Variants in EP400 observed in about 807,000 individuals in gnomAD.
EP400 encodes the protein E1A-binding protein p400.
A neutral mutation model predicts 354.1 loss-of-function variants in EP400; 105 were observed. The observed-to-expected ratio is 0.30, with a 90% CI of 0.25 to 0.35. The LOEUF is 0.35. Ranked by LOEUF, EP400 falls within the 10% of genes least tolerant of loss-of-function variation. EP400 has a pLI of 1.00. For synonymous variants in EP400, 1,646 were observed against 1,716.9 expected (o/e 0.96, Z 1.02); for missense variants, 3,280 against 4,121.0 (o/e 0.80, Z 5.59).
intron 22 of EP400, among the ~76,000 whole-genome samples, 173 bp from the exon 23 acceptor site, chr12:132,020,906 T>C (rs901400807): frequency 6.6e-6 from 1 of 152,270 alleles, no homozygotes; most frequent in Non-Finnish European, 1.5e-5. Context: ...AGTAAAATTA[T>C]ATTTCTCTCA....
intron 45 of EP400, among the ~76,000 whole-genome samples, chr12:132,059,242 A>G (rs991643123): frequency 2.0e-5 from 3 of 152,146 alleles, no homozygotes; most frequent in African/African-American, 4.8e-5. Context: ...CTATTGATAC[A>G]CCGAGGTAGG....
intron 12 of EP400, among the ~76,000 whole-genome samples, chr12:132,002,968 A>G (rs1299563934): frequency 6.6e-6 from 1 of 152,226 alleles, no homozygotes; most frequent in Admixed American, 6.5e-5. Flanking sequence ...TTAGCTCTTC[A>G]TGTCCATGGG....
intron 12 of EP400, 79 bp downstream of exon 12, chr12:131,995,035 A>G: frequency 7.4e-7 from 1 of 1,355,818 alleles, no homozygotes; most frequent in Non-Finnish European, 1.0e-6. Flanking sequence ...ATAATAATAT[A>G]TTGAGTAACA....
chr12:131,994,984 T>G lies in EP400; in HGVS notation c.2827+28T>G. The stretch of plus-strand genomic sequence containing the variant: ...AGGCTGTTGCTACCTTATTAAACAT[T>G]CAGTAAGTAAAAAGAAACATTTAAA... On this transcript the variant is annotated intron_variant, in intron 12 of 52. Transcript: ENST00000389561. The surrounding 1 kb of genome is among the most constrained non-coding windows in gnomAD (Gnocchi z 4.6). 6.3e-7 allele frequency: 1 copy of G among 1,592,004 alleles called. No individual in the cohort carries two copies. The highest frequency in any genetic ancestry group is 2.2e-5 in the East Asian group (1 of 44,706).
intron 12 of EP400, among the ~76,000 whole-genome samples, chr12:131,995,495 C>T (rs1893177695): frequency 6.7e-6 from 1 of 149,294 alleles, no homozygotes; most frequent in Admixed American, 6.6e-5. Flanking sequence ...TGAATGAATC[C>T]CACCACAGCT....
Position 132,020,030 on chromosome 12 carries a change from TG to T in EP400, c.4278-17del. 1 of 1,511,982 alleles carries T rather than the reference TG, an allele frequency of 6.6e-7. No individual in the cohort carries two copies. Among genetic ancestry groups the T allele is most frequent in the Non-Finnish European group, 8.9e-7 (1 of 1,127,524 alleles). The allele number at this position is 1,511,982 out of a possible 1,614,324, so 93.7% of individuals were successfully genotyped here. ...GTCTGATGCTCTGTATCTTCTTGCC[TG>T]GACCAATGGGCATCTAGGTTGTTTC... On this transcript the variant is annotated intron_variant, in intron 21 of 52. Coordinates refer to ENST00000389561, the MANE Select transcript of EP400 (RefSeq NM_015409.5).
intron 22 of EP400, 55 bp downstream of exon 22, chr12:132,020,273 G>T: frequency 6.6e-7 from 1 of 1,508,898 alleles, no homozygotes; most frequent in South Asian, 1.3e-5. Flanking sequence ...TGTGGGACAA[G>T]TTCATGGCAC....
chr12:132,031,189 T>A (rs763567277), intron 29 of EP400: 13 of 515,468 alleles, frequency 2.5e-5, no homozygotes, highest in South Asian at 1.8e-4. Context: ...AACAGTGAGG[T>A]TAGAGGACTA....
chr12:131,977,328 G>C (rs931640327), intron 2 of EP400, among the ~76,000 whole-genome samples: 3 of 148,148 alleles, frequency 2.0e-5, no homozygotes, highest in African/African-American at 7.5e-5. Context: ...TGTATTTTTA[G>C]TAGAGACGGA....
At chr12:132,058,307 T>C (rs907308501) in intron 45 of EP400, among the ~76,000 whole-genome samples, 23 of 152,172 alleles carry the variant, frequency 1.5e-4, no homozygotes, top group African/African-American at 5.3e-4. Flanking sequence ...CTTTGTAATA[T>C]TGAGGCTAGA....
At chr12:131,997,704 C>T (rs1437515263) in intron 12 of EP400, among the ~76,000 whole-genome samples, 2 of 151,988 alleles carry the variant, frequency 1.3e-5, no homozygotes, top group African/African-American at 2.4e-5. Context: ...AGGTCTTCAT[C>T]CTCGTCATCT....
In EP400 at chr12:132,029,787, G is replaced by C; in HGVS notation, c.5468G>C (p.Arg1823Thr). 2 of 1,613,726 alleles carry C rather than the reference G, an allele frequency of 1.2e-6. No individual in the cohort carries two copies. Among genetic ancestry groups the C allele is most frequent in the Non-Finnish European group, 1.7e-6 (2 of 1,180,042 alleles). The change falls in exon 28 of 53, where the codon AGG (arginine) becomes ACG (threonine). Residue 1823 changes from arginine to threonine, a missense_variant. This residue lies in a region of EP400 where 459 missense variants were observed against 496.9 expected (regional missense o/e 0.92). Coordinates refer to ENST00000389561, the MANE Select transcript of EP400 (RefSeq NM_015409.5). This position sits in a 1 kb window ranked among gnomAD's most constrained non-coding sequence, Gnocchi z 4.7. ...CCACCCCTGTACAGCCACAGAATGA[G>C]GATCTTGAGGCAGGGCCTGAGAGAG... ...RPPPLYSHRMRILRQGLREHA... is the reference protein window; with the variant it reads ...RPPPLYSHRMTILRQGLREHA...
intron 39 of EP400, among the ~76,000 whole-genome samples, chr12:132,049,896 T>C (rs1895236660): frequency 6.6e-6 from 1 of 152,218 alleles, no homozygotes; most frequent in African/African-American, 2.4e-5. Context: ...CCACTGGGCA[T>C]GCGCCAGCCT....
At chr12:132,031,438 C>T (rs971160665) in intron 29 of EP400, 2 of 508,754 alleles carry the variant, frequency 3.9e-6, no homozygotes, top group African/African-American at 3.9e-5. Flanking sequence ...AGGGTGTTGG[C>T]GATGGGTGAG....
rs1309187909 is a variant in EP400, at chr12:131,997,562, G to A, written c.2827+2606G>A. On this transcript the variant is annotated intron_variant, in intron 12 of 52. Transcript: ENST00000389561. ...TGAGCCATCGTGCCTGGCCTATTTT[G>A]TATGTTATGTGTATTTAATATTACG... 2.0e-5 allele frequency among the ~76,000 whole-genome samples: 3 copies of A among 152,084 alleles called. No individual in the cohort carries two copies. In the East Asian group the frequency reaches 5.8e-4, roughly 29 times the overall value.
chr12:131,973,656 C>CA (rs1356067830), intron 2 of EP400, among the ~76,000 whole-genome samples: 1 of 152,064 alleles, frequency 6.6e-6, no homozygotes, highest in African/African-American at 2.4e-5. Flanking sequence ...AAAAATAAGA[C>CA]AGAGTTTCAG....
chr12:132,077,475 C>T lies in EP400; in HGVS notation c.9174C>T (p.Thr3058=), dbSNP rs149254036. 156 of 1,613,466 alleles carry T rather than the reference C, an allele frequency of 9.7e-5. No individual in the cohort carries two copies. Among genetic ancestry groups the T allele is most frequent in the Non-Finnish European group, 1.2e-4 (147 of 1,180,004 alleles). Residue 3058 remains threonine, a synonymous_variant, in exon 53 of 53, where the codon ACC becomes ACT. Coordinates refer to ENST00000389561, the MANE Select transcript of EP400 (RefSeq NM_015409.5). ...AGGTGCAGATGATCCCTGCAGTGAC[C>T]GCGACTGCCCAGGTGGTTCAGCAGA... ...GQQVQMIPAV[T]ATAQVVQQKL... is the part of the protein sequence containing the mutation.
At chr12:132,037,259 A>G (rs1894751151) in intron 30 of EP400, among the ~76,000 whole-genome samples, 1 of 152,206 alleles carries the variant, frequency 6.6e-6, no homozygotes, top group South Asian at 2.1e-4. Context: ...AACGCCCATA[A>G]TTACATGAGA....
chr12:132,043,812 T>G (rs952583868), intron 34 of EP400, 84 bp downstream of exon 34: 1 of 1,250,404 alleles, frequency 8.0e-7, no homozygotes, highest in African/African-American at 1.5e-5. Context: ...GTGACTTCAT[T>G]AAATTAAAGT....
Sources: gnomAD v4.1 joint callset for allele counts (sites outside exome capture counted in the v4.1 genomes callset) on GRCh38, gnomAD v4.1.1 for gene constraint, gnomAD v4.1.1 regional missense constraint, Gnocchi (gnomAD v3.1) non-coding constraint, MANE v1.5 for transcripts, NCBI Gene and HGNC (gene_info 2026-07-23, HGNC 2026-07-21) for gene names.